OCA2: variants seen among roughly 807,000 people sequenced by gnomAD.
OCA2 encodes the protein OCA2 melanosomal transmembrane protein.
A neutral mutation model predicts 100.2 loss-of-function variants in OCA2; 77 were observed. That is an observed-to-expected ratio of 0.77 (90% CI 0.64 to 0.93). OCA2 has a LOEUF of 0.93. Among genes scored for constraint, OCA2 ranks in the 40% least tolerant of loss-of-function variants. OCA2 has a pLI of 0.00. For synonymous variants in OCA2, 432 were observed against 439.2 expected, an observed-to-expected ratio of 0.98 and a Z score of 0.21; for missense variants, 1,062 against 1,089.1, an observed-to-expected ratio of 0.98 and a Z score of 0.35.
At position 27,961,143 on chromosome 15, in the gene OCA2, T is replaced by C. The variant is rs553665474; in HGVS notation, c.1637-3408A>G. ...CCCATCAAAAAGTGGGCAAAGGATA[T>C]GAGCAGACACTTCTCAAAAGAAGAC... is the stretch of plus-strand genomic sequence containing the variant. On this transcript the variant is annotated intron_variant, in intron 15 of 23. Coordinates refer to ENST00000354638, the MANE Select transcript of OCA2 (RefSeq NM_000275.3). Among the ~76,000 whole-genome samples, 69 of 152,232 alleles carry C rather than the reference T, an allele frequency of 4.5e-4. No individual in the cohort carries two copies. In the South Asian group the frequency reaches 0.012, roughly 27 times the overall value.
chr15:27,989,499 G>T, intron 11 of OCA2, 102 bp downstream of exon 11: 1 of 904,018 alleles, frequency 1.1e-6, no homozygotes, highest in Non-Finnish European at 1.8e-6. Context: ...AGCCCTAGGC[G>T]CTGTGTCTTT....
chr15:27,750,018 A>G (rs1370286967), downstream of OCA2, among the ~76,000 whole-genome samples: 20 of 152,228 alleles, frequency 1.3e-4, no homozygotes, highest in Admixed American at 1.3e-3. Flanking sequence ...AGGCTTTAGC[A>G]AAGACAATCT....
At chr15:27,970,965 C>T (rs1340372570) in intron 14 of OCA2, among the ~76,000 whole-genome samples, 1 of 151,926 alleles carries the variant, frequency 6.6e-6, no homozygotes, top group African/African-American at 2.4e-5. Context: ...TGAAGAACTC[C>T]CCAGCAAGCA....
the OCA2 span, among the ~76,000 whole-genome samples, chr15:27,741,193 C>T: frequency 6.6e-6 from 1 of 152,210 alleles, no homozygotes; most frequent in Non-Finnish European, 1.5e-5. Flanking sequence ...CAACTGGACA[C>T]TTCAAAATGG....
At chr15:27,762,599 A>C (rs1216711361) in intron 23 of OCA2, among the ~76,000 whole-genome samples, 1 of 152,098 alleles carries the variant, frequency 6.6e-6, no homozygotes, top group Non-Finnish European at 1.5e-5. Context: ...CCCCCTTACT[A>C]GCCTGTGCAC....
At chr15:27,793,812 T>A (rs1485244675) in intron 23 of OCA2, among the ~76,000 whole-genome samples, 1 of 152,232 alleles carries the variant, frequency 6.6e-6, no homozygotes. Flanking sequence ...CAGAGCCTTT[T>A]CCTTATTCAC....
At chr15:28,029,828 T>C in intron 3 of OCA2, among the ~76,000 whole-genome samples, 1 of 152,220 alleles carries the variant, frequency 6.6e-6, no homozygotes, top group East Asian at 1.9e-4. Context: ...AAGACATTCC[T>C]ACCACCAATA....
chr15:28,002,192 T>C (rs924060151), intron 9 of OCA2, among the ~76,000 whole-genome samples: 1 of 152,148 alleles, frequency 6.6e-6, no homozygotes, highest in Non-Finnish European at 1.5e-5. Context: ...AAACATGAAG[T>C]AGGGGTGTCC....
At chr15:27,753,777 GA>G (rs894097477), downstream of OCA2, among the ~76,000 whole-genome samples, 2 of 151,912 alleles carry the variant, frequency 1.3e-5, no homozygotes, top group Non-Finnish European at 1.5e-5. Context: ...AAAGAAAAAA[GA>G]ATGAGAAGGC....
At chr15:27,871,023 CT>C in intron 21 of OCA2, 130 bp downstream of exon 21, 6 of 761,470 alleles carry the variant, frequency 7.9e-6, no homozygotes, top group Non-Finnish European at 1.2e-5. Flanking sequence ...GCTCTGCTCA[CT>C]TTCGTCCTCT....
At chr15:28,022,475 G>A (rs780722904) in intron 6 of OCA2, 26 bp downstream of exon 6, 25 of 1,553,468 alleles carry the variant, frequency 1.6e-5, no homozygotes, top group Admixed American at 3.3e-5. Flanking sequence ...CAGGCGGCTG[G>A]CCATCTCAGA....
chr15:27,807,002 AT>A lies in OCA2; in HGVS notation c.2432+37956del, dbSNP rs147743340. ...GCCCACCTCAGACCCACATTAGCAA[AT>A]CCCCTCAACTCCACGAAAAACACGT... On this transcript the variant is annotated intron_variant, in intron 23 of 23. Transcript: ENST00000354638. Among the ~76,000 whole-genome samples the A allele has an allele frequency of 4.8e-3, 733 of 151,986 alleles. 3 individuals carry two copies. Among genetic ancestry groups the A allele is most frequent in the African/African-American group, 0.016 (662 of 41,460 alleles).
the OCA2 span, among the ~76,000 whole-genome samples, chr15:27,724,854 C>A: frequency 6.6e-6 from 1 of 151,840 alleles, no homozygotes; most frequent in African/African-American, 2.4e-5. Flanking sequence ...AGAAAACTGC[C>A]GCTTGGATAA....
chr15:27,930,332 GTATGCTA>G (rs2039202564), intron 18 of OCA2, among the ~76,000 whole-genome samples: 1 of 152,132 alleles, frequency 6.6e-6, no homozygotes, highest in South Asian at 2.1e-4. Context: ...AATTATTGAT[GTATGCTA>G]CCACATGGAT....
chr15:28,032,975 G>A (rs1223911387), intron 2 of OCA2, among the ~76,000 whole-genome samples: 1 of 152,182 alleles, frequency 6.6e-6, no homozygotes, highest in East Asian at 1.9e-4. Context: ...CAATCAGAAT[G>A]GCAAGGAGGA....
chr15:27,826,491 C>T (rs770444520), intron 23 of OCA2, among the ~76,000 whole-genome samples: 13 of 152,076 alleles, frequency 8.5e-5, no homozygotes, highest in Admixed American at 3.3e-4. Context: ...TCTGTGTAGA[C>T]GGAACCCAGG....
chr15:27,868,483 G>T (rs927925755), intron 21 of OCA2, among the ~76,000 whole-genome samples: 2 of 152,078 alleles, frequency 1.3e-5, no homozygotes, highest in Admixed American at 1.3e-4. Flanking sequence ...GAGCAACACC[G>T]CCTGATTCCA....
Position 28,016,131 on chromosome 15 carries a change from A to G in OCA2, c.863T>C (p.Met288Thr). Residue 288 changes from methionine (M) to threonine (T), a missense_variant, in exon 8 of 24, where the codon ATG (methionine) becomes ACG (threonine). Physicochemically the swap from Met to Thr is moderately conservative, Grantham distance 81. Transcript: ENST00000354638. ...GGTCAGTACCTCAAAGGTCCTGCTCATCACTGAGTGCTCGCTTCTCCTCGG... is the reference window on the plus strand; with the variant it reads ...GGTCAGTACCTCAAAGGTCCTGCTCGTCACTGAGTGCTCGCTTCTCCTCGG... ...LNPRRSEHSVMSRTFEVLTRE... is the reference protein window; with the variant it reads ...LNPRRSEHSVTSRTFEVLTRE... The G allele has an allele frequency of 6.2e-7, 1 of 1,614,184 alleles. No homozygotes were observed. The highest frequency in any genetic ancestry group is 1.1e-5 in the South Asian group (1 of 91,084).
chr15:27,728,655 G>A, the OCA2 span, among the ~76,000 whole-genome samples: 2 of 152,116 alleles, frequency 1.3e-5, no homozygotes, highest in African/African-American at 4.8e-5. Context: ...TTCCTTTGCG[G>A]AGATGGCTGA....
Sources: gnomAD v4.1 joint callset for allele counts (sites outside exome capture counted in the v4.1 genomes callset) on GRCh38, gnomAD v4.1.1 for gene constraint, MANE v1.5 for transcripts, NCBI Gene and HGNC (gene_info 2026-07-23, HGNC 2026-07-21) for gene names.